Variants in NCOR2 observed in about 807,000 individuals in gnomAD.
The protein encoded by NCOR2 is CTG repeat protein 26.
NCOR2 carries 81 observed loss-of-function variants against 262.9 expected under a neutral mutation model. That is an observed-to-expected ratio of 0.31 (90% confidence interval 0.26 to 0.37). The LOEUF is 0.37. NCOR2 is among the 10% of genes least tolerant of loss of function. NCOR2 has a pLI of 1.00. For missense variants in NCOR2, 3,385 were observed against 3,621.4 expected (o/e 0.93, Z 1.68); for synonymous variants, 1,659 against 1,559.3 (o/e 1.06, Z -1.51).
chr12:124,337,149 C>A (rs529940616), exon 38 of NCOR2: 9 of 1,520,012 alleles, frequency 5.9e-6, no homozygotes, highest in South Asian at 1.3e-5. Flanking sequence ...AATGTGGCAG[C>A]CGGGCGAACG....
At position 124,350,793 on chromosome 12, in the gene NCOR2, C is replaced by T. The variant is rs568479006; in HGVS notation, c.3694-56G>A. The T allele has an allele frequency of 1.6e-5, 25 of 1,559,072 alleles. No homozygotes were observed. The African/African-American group carries it at 3.4e-4, about 21-fold the overall frequency. On this transcript the variant is annotated intron_variant, in intron 27 of 46. Transcript: ENST00000405201. ...GGCTGCAGCCCAGGACCCCTCTCAA[C>T]TCAAATGCAGGCAAAGACGTGCTTA...
intron 28 of NCOR2, among the ~76,000 whole-genome samples, chr12:124,349,651 CG>C (rs1243288999): frequency 3.3e-5 from 5 of 152,098 alleles, no homozygotes; most frequent in South Asian, 2.1e-4. Flanking sequence ...AGGGAGCAGA[CG>C]AGAGTTTAAA....
intron 1 of NCOR2, among the ~76,000 whole-genome samples, chr12:124,487,478 C>T (rs1446708349): frequency 6.6e-6 from 1 of 152,282 alleles, no homozygotes; most frequent in Non-Finnish European, 1.5e-5. Flanking sequence ...CTGACCCATC[C>T]TCTCTCTACG....
chr12:124,326,314 G>C (rs964951999), exon 46 of NCOR2: 1 of 1,548,878 alleles, frequency 6.5e-7, no homozygotes, highest in Non-Finnish European at 8.7e-7. Flanking sequence ...CCCGGGGCCG[G>C]GGACTTGGCT....
intron 23 of NCOR2, among the ~76,000 whole-genome samples, chr12:124,356,332 C>G (rs2037951959): frequency 6.6e-6 from 1 of 152,256 alleles, no homozygotes; most frequent in Admixed American, 6.5e-5. Context: ...GCTCCCTCCC[C>G]AGGCTCTTCT....
At chr12:124,353,064 CAT>C (rs1293540439) in intron 27 of NCOR2, among the ~76,000 whole-genome samples, 3 of 152,332 alleles carry the variant, frequency 2.0e-5, no homozygotes, top group East Asian at 1.9e-4. Flanking sequence ...GCCTATCTCA[CAT>C]GTTTTGGCAG....
At chr12:124,508,783 G>A (rs1423115401) in intron 1 of NCOR2, among the ~76,000 whole-genome samples, 1 of 152,176 alleles carries the variant, frequency 6.6e-6, no homozygotes, top group Non-Finnish European at 1.5e-5. Flanking sequence ...CAGTCTGACA[G>A]CCAAATACAG....
At chr12:124,516,642 G>A (rs2049811622) in intron 1 of NCOR2, among the ~76,000 whole-genome samples, 2 of 152,040 alleles carry the variant, frequency 1.3e-5, no homozygotes, top group Non-Finnish European at 2.9e-5. Context: ...TGCTACCACT[G>A]TGGTAAAGGA....
intron 22 of NCOR2, among the ~76,000 whole-genome samples, chr12:124,360,480 G>A (rs1278219886): frequency 3.3e-5 from 5 of 152,166 alleles, no homozygotes. Context: ...CTCAACAACG[G>A]CCAGACAGAG....
rs1053718925 is a variant in NCOR2, at chr12:124,482,357, C to T, written c.411+1239G>A. ...AAGCCCAGCCATCCCAGCCCCAGGA[C>T]GGCACCCCCACCTCCTGCCAGCCCA... On this transcript the variant is annotated intron_variant, in intron 3 of 46. Transcript: ENST00000405201. The surrounding 1 kb of genome is among the most constrained non-coding windows in gnomAD (Gnocchi z 6.3). Among the ~76,000 whole-genome samples the T allele has an allele frequency of 4.6e-5, 7 of 152,186 alleles. No individual in the cohort carries two copies. In the East Asian group the frequency reaches 5.8e-4, roughly 13 times the overall value.
chr12:124,341,120 C>T (rs535857889), intron 34 of NCOR2, among the ~76,000 whole-genome samples: 14 of 152,330 alleles, frequency 9.2e-5, no homozygotes, highest in African/African-American at 3.1e-4. Flanking sequence ...CAGCTGAGCC[C>T]CAGCTAGAAC....
chr12:124,560,798 T>C (rs1396959261), intron 1 of NCOR2, among the ~76,000 whole-genome samples: 15 of 152,188 alleles, frequency 9.9e-5, no homozygotes, highest in Non-Finnish European at 1.5e-5. Flanking sequence ...ATTTTCTTTT[T>C]TACAAGTCAA....
intron 1 of NCOR2, among the ~76,000 whole-genome samples, chr12:124,525,551 C>T (rs1246221662): frequency 2.0e-5 from 3 of 152,248 alleles, no homozygotes; most frequent in Admixed American, 2.0e-4. Context: ...AATCTGGCTG[C>T]AGGGAGGCAG....
chr12:124,553,881 G>A lies in NCOR2; in HGVS notation c.-165+13427C>T, dbSNP rs561023864. 3.3e-5 allele frequency among the ~76,000 whole-genome samples: 5 copies of A among 152,314 alleles called. No individual in the cohort carries two copies. In the East Asian group the frequency reaches 9.7e-4, roughly 29 times the overall value. On this transcript the variant is annotated intron_variant, in intron 1 of 32. Transcript: ENST00000458234. ...CACCCACGGGAGGAGACGTCCAAGA[G>A]CCCGAGCTGCATGCGCCCCCACTCC... is the stretch of plus-strand genomic sequence containing the variant.
intron 24 of NCOR2, chr12:124,355,229 T>G: frequency 1.5e-6 from 1 of 650,478 alleles, no homozygotes; most frequent in Non-Finnish European, 2.6e-6. Context: ...AGCCATGCCC[T>G]TGACTGCAAT....
chr12:124,348,325 C>G lies in NCOR2; in HGVS notation c.3845-11G>C. The G allele has an allele frequency of 6.3e-7, 1 of 1,598,518 alleles. No individual in the cohort carries two copies. The highest frequency in any genetic ancestry group is 8.5e-7 in the Non-Finnish European group (1 of 1,171,288). ...TCACAGACATGCCACCTGGAAACCA[C>G]ACAAAGCACTCGGTGAGGAGCTGGG... On this transcript the variant is annotated splice_polypyrimidine_tract_variant and intron_variant, in intron 28 of 46. Transcript: ENST00000405201.
chr12:124,398,240 G>A (rs1232937819), intron 15 of NCOR2, 59 bp from the exon 18 acceptor site: 7 of 1,575,302 alleles, frequency 4.4e-6, no homozygotes, highest in South Asian at 1.1e-5. Flanking sequence ...TTTGCCTTCT[G>A]CCCTTTTCTC....
chr12:124,334,956 C>T (rs2035749591), intron 40 of NCOR2, 179 bp downstream of exon 42: 6 of 879,134 alleles, frequency 6.8e-6, no homozygotes, highest in South Asian at 4.9e-5. Context: ...GTGATGGTGC[C>T]GGTGCTCGGG....
rs774267555 is a variant in NCOR2, at chr12:124,333,216, G to T, written c.6669C>A (p.Ser2223=). The T allele has an allele frequency of 2.5e-6, 4 of 1,612,984 alleles. No homozygotes were observed. In the African/African-American group the frequency reaches 5.3e-5, roughly 22 times the overall value. The change falls in exon 42 of 47, where the codon TCC becomes TCA. Residue 2223 remains serine, a synonymous_variant. Transcript: ENST00000405201. ...CTGGCTCCGTCATGCCCTCCGGTGG[G>T]GACACAGGTTCAATACCGTCCTCAC...
Sources: allele counts gnomAD v4.1 joint callset (sites outside exome capture counted in the v4.1 genomes callset), GRCh38; gene constraint gnomAD v4.1.1; non-coding constraint Gnocchi (gnomAD v3.1); transcripts MANE v1.5; gene names NCBI Gene and HGNC (gene_info 2026-07-23, HGNC 2026-07-21).